Variants in ZSCAN32 observed in about 807,000 individuals in gnomAD.
ZSCAN32 encodes zinc finger and SCAN domain-containing protein 32.
A neutral mutation model predicts 47.4 loss-of-function variants in ZSCAN32; 52 were observed. That is an observed-to-expected ratio of 1.10 (90% CI 0.88 to 1.38). ZSCAN32 has a LOEUF of 1.38. Among genes scored for constraint, ZSCAN32 ranks in the 40% most tolerant of loss-of-function variants. The pLI is 0.00. For synonymous variants in ZSCAN32, 346 were observed against 305.7 expected (o/e 1.13, Z -1.38); for missense variants, 959 against 846.0 (o/e 1.13, Z -1.66).
intron 5 of ZSCAN32, among the ~76,000 whole-genome samples, chr16:3,387,282 C>G (rs1046674526): frequency 2.0e-5 from 3 of 152,166 alleles, no homozygotes; most frequent in African/African-American, 7.2e-5. Context: ...AGCAAAGATT[C>G]AGGGGACAGA....
chr16:3,397,729 C>G lies in ZSCAN32; in HGVS notation c.-172G>C. On this transcript the variant is annotated 5_prime_UTR_variant, in exon 2 of 7. Coordinates refer to ENST00000396852, the MANE Select transcript of ZSCAN32 (RefSeq NM_001284527.2). ...AGACTCACAGCGGAAAAAAAGGGCT[C>G]AACTTTGAAGGATGTCTGAAGAGGA... 1 of 782,640 alleles carries G rather than the reference C, an allele frequency of 1.3e-6. No homozygotes were observed. 48.5% of individuals were successfully genotyped at this position (782,640 alleles called of 1,614,324 possible). A position where few individuals can be genotyped will look rare whatever the true frequency, so the allele number is the denominator to read the frequency against.
At chr16:3,390,296 G>T (rs2150887049) in intron 4 of ZSCAN32, 127 bp downstream of exon 4, 2 of 1,353,546 alleles carry the variant, frequency 1.5e-6, no homozygotes, top group South Asian at 1.5e-5. Context: ...TGTCAGAGTG[G>T]ACAGAATCAA....
intron 2 of ZSCAN32, 62 bp downstream of exon 2, chr16:3,397,130 G>A (rs1215930001): frequency 4.1e-6 from 6 of 1,467,326 alleles, no homozygotes; most frequent in Non-Finnish European, 5.4e-6. Flanking sequence ...CACCTCTCCA[G>A]TAACTGGATT....
rs116456533 is a variant in ZSCAN32 at position 3,396,613 on chromosome 16, T to G, written c.366+579A>C. The stretch of plus-strand genomic sequence containing the variant: ...CTCTTCCACAACCGAAGCTGGTATG[T>G]TACTTTTCCTCTTCCTGTGCCTTTC... On this transcript the variant is annotated intron_variant, in intron 2 of 6. Transcript: ENST00000396852. Among the ~76,000 whole-genome samples, 1,489 of 152,304 alleles carry G rather than the reference T, an allele frequency of 9.8e-3. 20 individuals are homozygous for G. The highest frequency in any genetic ancestry group is 0.033 in the African/African-American group (1,390 of 41,554).
chr16:3,400,445 C>T (rs1167433534), intron 1 of ZSCAN32, among the ~76,000 whole-genome samples: 1 of 152,010 alleles, frequency 6.6e-6, no homozygotes, highest in Non-Finnish European at 1.5e-5. Context: ...GCGGAACCTG[C>T]ACCCTTCTTG....
intron 3 of ZSCAN32, among the ~76,000 whole-genome samples, chr16:3,391,638 C>T (rs149452781): frequency 0.01 from 1,507 of 149,628 alleles, 21 homozygotes; most frequent in African/African-American, 0.034. Context: ...AACATCATGC[C>T]GCTACACTCC....
intron 1 of ZSCAN32, among the ~76,000 whole-genome samples, chr16:3,400,699 G>A (rs1159327334): frequency 1.3e-5 from 2 of 152,242 alleles, no homozygotes; most frequent in African/African-American, 2.4e-5. Flanking sequence ...GATGAGCAGG[G>A]TCAAGGCCAG....
At chr16:3,384,336 A>G in intron 6 of ZSCAN32, 123 bp downstream of exon 6, 2 of 1,386,566 alleles carry the variant, frequency 1.4e-6, no homozygotes, top group African/African-American at 1.4e-5. Context: ...AAACTTGGAT[A>G]GGGTCACACA....
Position 3,383,308 on chromosome 16 carries a change from C to T in ZSCAN32, c.1638G>A (p.Glu546=), listed in dbSNP as rs2150866255. 1 of 1,614,208 alleles carries T rather than the reference C, an allele frequency of 6.2e-7. No homozygotes were observed. The highest frequency in any genetic ancestry group is 2.2e-5 in the East Asian group (1 of 44,886). ...CGCACTCACTGCACTTGTGAGGCTT[C>T]TCGCCTGTGTGGATTCTTTGATGCC... The part of the protein sequence containing the change: ...LVRHQRIHTG[E]KPHKCSECGK... Residue 546 remains glutamate (E), a synonymous_variant, in exon 7 of 7, where the codon GAG becomes GAA. Coordinates refer to ENST00000396852, the MANE Select transcript of ZSCAN32 (RefSeq NM_001284527.2).
intron 1 of ZSCAN32, among the ~76,000 whole-genome samples, chr16:3,400,712 G>A (rs2033818344): frequency 6.6e-6 from 1 of 152,340 alleles, no homozygotes; most frequent in Admixed American, 6.5e-5. Flanking sequence ...AAGGCCAGGG[G>A]GTCCCGGGGC....
At position 3,382,951 on chromosome 16, in the gene ZSCAN32, G is replaced by C. The variant is rs1447352810; in HGVS notation, c.1995C>G (p.His665Gln). The change falls in exon 7 of 7, where the codon CAC (histidine) becomes CAG (glutamine). Residue 665 changes from histidine to glutamine, a missense_variant. Coordinates refer to ENST00000396852, the MANE Select transcript of ZSCAN32 (RefSeq NM_001284527.2). ...AGTTCTTAGTGAAGCCTCTCTCACA[G>C]TGAGAACACCTGTAAGGCTTTTCAC... ...HTGEKPYRCSHCERGFTKNSA... is the reference protein window; with the variant it reads ...HTGEKPYRCSQCERGFTKNSA... The C allele has an allele frequency of 6.2e-7, 1 of 1,614,048 alleles. No individual in the cohort carries two copies.
At chr16:3,385,413 T>C (rs903255824) in intron 5 of ZSCAN32, among the ~76,000 whole-genome samples, 1 of 152,132 alleles carries the variant, frequency 6.6e-6, no homozygotes, top group South Asian at 2.1e-4. Flanking sequence ...AAGCTACCAA[T>C]GACTTTCTTC....
At chr16:3,387,544 T>G (rs1467759683) in intron 5 of ZSCAN32, among the ~76,000 whole-genome samples, 1 of 152,220 alleles carries the variant, frequency 6.6e-6, no homozygotes, top group South Asian at 2.1e-4. Flanking sequence ...AGGACCGATT[T>G]GACTAGAGCT....
At position 3,383,141 on chromosome 16, in the gene ZSCAN32, T is replaced by C; in HGVS notation, c.1805A>G (p.Glu602Gly). 6.2e-7 allele frequency: 1 copy of C among 1,614,208 alleles called. No individual in the cohort carries two copies. Among genetic ancestry groups the C allele is most frequent in the Non-Finnish European group, 8.5e-7 (1 of 1,180,036 alleles). ...ACAGACAATGCACTGGTAAGGCTTT[T>C]CCCCGGTATGGGTCCTCTGGTGGAC... is the stretch of plus-strand genomic sequence containing the variant. ...LIVHQRTHTG[E>G]KPYQCIVCGK... Residue 602 changes from glutamate (E) to glycine (G), a missense_variant, in exon 7 of 7, where the codon GAA (glutamate) becomes GGA (glycine). Physicochemically the swap from Glu to Gly is moderately conservative, Grantham distance 98 (BLOSUM62 -2). Coordinates refer to ENST00000396852, the MANE Select transcript of ZSCAN32 (RefSeq NM_001284527.2).
chr16:3,399,929 G>A (rs955438412), intron 1 of ZSCAN32, among the ~76,000 whole-genome samples: 2 of 152,238 alleles, frequency 1.3e-5, no homozygotes, highest in Non-Finnish European at 2.9e-5. Context: ...TAATGAGTTT[G>A]TGTTGGTTTT....
chr16:3,397,403 T>C lies in ZSCAN32; in HGVS notation c.155A>G (p.His52Arg), dbSNP rs767737560. ...QFCYQEVTGPHEAFSKLWELC... is the reference protein window; with the variant it reads ...QFCYQEVTGPREAFSKLWELC... ...TTCCCAGAGTTTGCTAAAAGCTTCA[T>C]GTGGGCCAGTTACCTCCTGGTAGCA... is the stretch of plus-strand genomic sequence containing the variant. The change falls in exon 2 of 7, where the codon CAT becomes CGT. Residue 52 changes from histidine to arginine, a missense_variant. Coordinates refer to ENST00000396852, the MANE Select transcript of ZSCAN32 (RefSeq NM_001284527.2). 8.4e-6 allele frequency: 13 copies of C among 1,552,984 alleles called. No homozygotes were observed. The African/African-American group carries it at 9.6e-5, about 11-fold the overall frequency.
chr16:3,393,208 T>A (rs250455), intron 3 of ZSCAN32, among the ~76,000 whole-genome samples: 459 of 10,794 alleles, frequency 0.043, 93 homozygotes, highest in African/African-American at 0.16. Context: ...ATATTTATAT[T>A]TATATATATA....
intron 3 of ZSCAN32, among the ~76,000 whole-genome samples, chr16:3,392,185 G>T (rs892899806): frequency 1.3e-5 from 2 of 152,150 alleles, no homozygotes; most frequent in African/African-American, 4.8e-5. Context: ...TCCACAACAG[G>T]TAAATCCATG....
At chr16:3,386,797 G>T (rs189869608) in intron 5 of ZSCAN32, among the ~76,000 whole-genome samples, 1 of 152,186 alleles carries the variant, frequency 6.6e-6, no homozygotes, top group East Asian at 1.9e-4. Context: ...GTTGTGGGGT[G>T]GGGAGAGAGG....
Sources: gnomAD v4.1 joint callset for allele counts (sites outside exome capture counted in the v4.1 genomes callset) on GRCh38, gnomAD v4.1.1 for gene constraint, MANE v1.5 for transcripts, NCBI Gene and HGNC (gene_info 2026-07-23, HGNC 2026-07-21) for gene names.